The following PRPSAP2 variants were observed in gnomAD, a reference collection of about 807,000 sequenced individuals.
PRPSAP2 encodes phosphoribosyl pyrophosphate synthase-associated protein 2.
A neutral mutation model predicts 40.6 loss-of-function variants in PRPSAP2; 24 were observed. That is an observed-to-expected ratio of 0.59 (90% CI 0.43 to 0.83). The LOEUF is 0.83. Among genes scored for constraint, PRPSAP2 ranks in the 40% least tolerant of loss-of-function variants. PRPSAP2 has a pLI of 0.00. For missense variants in PRPSAP2, 292 were observed against 465.6 expected (o/e 0.63, Z 3.43); for synonymous variants, 149 against 164.7 (o/e 0.90, Z 0.73).
intron 10 of PRPSAP2, among the ~76,000 whole-genome samples, chr17:18,924,779 A>G (rs2041881644): frequency 6.6e-6 from 1 of 151,108 alleles, no homozygotes; most frequent in Non-Finnish European, 1.5e-5. Context: ...AAAAAAAAAA[A>G]AAAAAAAAGT....
Position 18,928,952 on chromosome 17 carries a change from G to A in PRPSAP2, c.946G>A (p.Asp316Asn). The change falls in exon 11 of 12, where the codon GAT (aspartate) becomes AAT (asparagine). Residue 316 changes from aspartate (D) to asparagine (N), a missense_variant. Coordinates refer to ENST00000268835, the MANE Select transcript of PRPSAP2 (RefSeq NM_002767.4). ...CCGGCGGATTGAAGAGTCTGCCATT[G>A]ATGAGGTAACAGGGTCTGGGTGTGT... ...APRRIEESAI[D>N]EVVVTNTIPH... The A allele has an allele frequency of 6.2e-7, 1 of 1,613,506 alleles. No homozygotes were observed. The highest frequency in any genetic ancestry group is 8.5e-7 in the Non-Finnish European group (1 of 1,179,582).
At chr17:18,926,666 C>T (rs914122010) in intron 10 of PRPSAP2, among the ~76,000 whole-genome samples, 10 of 152,144 alleles carry the variant, frequency 6.6e-5, no homozygotes, top group African/African-American at 2.2e-4. Context: ...ATTCATTACC[C>T]AGCATCCTCC....
intron 6 of PRPSAP2, 149 bp downstream of exon 6, chr17:18,878,019 C>A: frequency 1.2e-6 from 1 of 820,446 alleles, no homozygotes; most frequent in Non-Finnish European, 1.9e-6. Flanking sequence ...CTCCTACAGT[C>A]AAGCAGTCCA....
rs570806964 is a variant in PRPSAP2 at position 18,886,227 on chromosome 17, T to C, written c.528+3544T>C. ...CCTTCTTGTCACTTAGTGATCCTATTCTGCAGGTTTTGATGCTGACGCTTT... is the reference window on the plus strand; with the variant it reads ...CCTTCTTGTCACTTAGTGATCCTATCCTGCAGGTTTTGATGCTGACGCTTT... On this transcript the variant is annotated intron_variant, in intron 7 of 11. Transcript: ENST00000268835. Among the ~76,000 whole-genome samples the C allele has an allele frequency of 2.0e-5, 3 of 152,306 alleles. No homozygotes were observed. In the South Asian group the frequency reaches 6.2e-4, roughly 32 times the overall value.
At chr17:18,858,946 T>C (rs1355818004) in intron 1 of PRPSAP2, among the ~76,000 whole-genome samples, 1 of 152,174 alleles carries the variant, frequency 6.6e-6, no homozygotes, top group Admixed American at 6.5e-5. Context: ...CATATCCTTT[T>C]TGTCCATATT....
chr17:18,886,636 G>T (rs1305439714), intron 7 of PRPSAP2, among the ~76,000 whole-genome samples: 2 of 152,096 alleles, frequency 1.3e-5, no homozygotes, highest in African/African-American at 4.8e-5. Flanking sequence ...GGGATTACAG[G>T]TGTGAGCCAC....
chr17:18,882,761 C>A, intron 7 of PRPSAP2, 78 bp downstream of exon 7: 2 of 928,236 alleles, frequency 2.2e-6, no homozygotes, highest in East Asian at 2.4e-5. Context: ...TAGGATACCC[C>A]TAAAGGATTA....
intron 7 of PRPSAP2, among the ~76,000 whole-genome samples, chr17:18,888,737 C>T (rs1322986380): frequency 1.4e-5 from 1 of 70,496 alleles, no homozygotes; most frequent in African/African-American, 5.9e-5. Flanking sequence ...GACGGGGCGG[C>T]TGGCCGGGCG....
Position 18,882,959 on chromosome 17 carries a change from A to G in PRPSAP2, c.528+276A>G, listed in dbSNP as rs886455134. 4.6e-5 allele frequency among the ~76,000 whole-genome samples: 7 copies of G among 152,182 alleles called. No homozygotes were observed. The East Asian group carries it at 5.8e-4, about 13-fold the overall frequency. On this transcript the variant is annotated intron_variant, in intron 7 of 11. Transcript: ENST00000268835. Reference sequence around the variant, plus strand: ...AGTAATTTACTCTCATTACTAGTCTATGCTTGATCCTGGTTCTGTTTTATG... The same window carrying G: ...AGTAATTTACTCTCATTACTAGTCTGTGCTTGATCCTGGTTCTGTTTTATG...
At chr17:18,862,758 G>C (rs912009222) in intron 1 of PRPSAP2, among the ~76,000 whole-genome samples, 1 of 151,796 alleles carries the variant, frequency 6.6e-6, no homozygotes, top group Non-Finnish European at 1.5e-5. Flanking sequence ...AAATTAGTTT[G>C]TTTTTATTTA....
chr17:18,859,928 TAG>T (rs2036877647), intron 1 of PRPSAP2, among the ~76,000 whole-genome samples: 1 of 151,748 alleles, frequency 6.6e-6, no homozygotes, highest in Admixed American at 6.6e-5. Flanking sequence ...GTATTTTTAG[TAG>T]AGACAGGGTG....
chr17:18,878,242 T>G (rs1237267531), intron 6 of PRPSAP2, among the ~76,000 whole-genome samples: 1 of 152,112 alleles, frequency 6.6e-6, no homozygotes, highest in African/African-American at 2.4e-5. Flanking sequence ...CTTAGAAATA[T>G]CAAAGTAATG....
intron 8 of PRPSAP2, among the ~76,000 whole-genome samples, chr17:18,900,682 A>T (rs1281461444): frequency 6.6e-6 from 1 of 152,044 alleles, no homozygotes; most frequent in Non-Finnish European, 1.5e-5. Context: ...TCTGCTAGGT[A>T]AGGGTAGAAG....
intron 6 of PRPSAP2, 24 bp from the exon 7 acceptor site, chr17:18,882,544 C>T (rs2038836936): frequency 1.5e-6 from 2 of 1,362,386 alleles, no homozygotes; most frequent in South Asian, 1.2e-5. Context: ...CTATTTATTG[C>T]TTGTGTCTGC....
chr17:18,892,497 C>CT (rs1052703474), intron 8 of PRPSAP2, among the ~76,000 whole-genome samples: 2 of 151,812 alleles, frequency 1.3e-5, no homozygotes, highest in African/African-American at 4.8e-5. Context: ...ACTTAATTCT[C>CT]TGAGTTTTTT....
At chr17:18,872,495 C>T (rs1597551031) in intron 4 of PRPSAP2, 88 bp from the exon 5 acceptor site, 1 of 998,600 alleles carries the variant, frequency 1.0e-6, no homozygotes, top group East Asian at 2.4e-5. Flanking sequence ...TATTCTATTA[C>T]ATTAGGGAAT....
chr17:18,872,898 A>G (rs892219392), intron 5 of PRPSAP2, among the ~76,000 whole-genome samples: 1 of 151,108 alleles, frequency 6.6e-6, no homozygotes, highest in Non-Finnish European at 1.5e-5. Context: ...GCTGGAGTGC[A>G]GTGGTGCAAT....
intron 8 of PRPSAP2, among the ~76,000 whole-genome samples, chr17:18,898,909 T>C (rs2040089301): frequency 6.6e-6 from 1 of 151,790 alleles, no homozygotes; most frequent in African/African-American, 2.4e-5. Context: ...GTTTGTTTGT[T>C]TGTTTGTTTG....
At chr17:18,857,769 A>T (rs1010495097), upstream of PRPSAP2, 1 of 152,170 alleles carries the variant, frequency 6.6e-6, no homozygotes, top group Non-Finnish European at 1.5e-5. Flanking sequence ...GGGTGCTGCT[A>T]TCTTTGTTTT....
Sources: gnomAD v4.1 joint callset for allele counts (sites outside exome capture counted in the v4.1 genomes callset) on GRCh38, gnomAD v4.1.1 for gene constraint, MANE v1.5 for transcripts, NCBI Gene and HGNC (gene_info 2026-07-23, HGNC 2026-07-21) for gene names.